Variants in ADGRL2 observed in about 807,000 individuals in gnomAD.
The protein encoded by ADGRL2 is calcium-independent alpha-latrotoxin receptor 2.
A neutral mutation model predicts 157.4 loss-of-function variants in ADGRL2; 44 were observed. The observed-to-expected ratio is 0.28, with a 90% CI of 0.22 to 0.36. The LOEUF (loss-of-function observed/expected upper bound fraction) is 0.36. Ranked by LOEUF, ADGRL2 falls within the 10% of genes least tolerant of loss-of-function variation. The pLI is 1.00. For missense variants in ADGRL2, 1,510 were observed against 1,768.9 expected (o/e 0.85, Z 2.63); for synonymous variants, 585 against 624.7 (o/e 0.94, Z 0.95).
rs528685803 is a variant in ADGRL2, at chr1:81,740,620, G to A, written c.-142-21191G>A. Among the ~76,000 whole-genome samples the A allele has an allele frequency of 2.0e-5, 3 of 152,232 alleles. No homozygotes were observed. In the South Asian group the frequency reaches 6.2e-4, roughly 32 times the overall value. ...AAAATCCAGACATACACGGGTACAT[G>A]TCTCAAAGGTTTTGAGCTCCCATAG... On this transcript the variant is annotated intron_variant, in intron 1 of 20. Coordinates refer to the ADGRL2 transcript ENST00000359929.
intron 1 of ADGRL2, among the ~76,000 whole-genome samples, chr1:81,734,605 A>G (rs1006422804): frequency 6.8e-6 from 1 of 147,548 alleles, no homozygotes; most frequent in African/African-American, 2.5e-5. Context: ...TAGCCACAGG[A>G]AACGAATACA....
intron 3 of ADGRL2, among the ~76,000 whole-genome samples, chr1:81,583,554 G>A (rs571889657): frequency 2.0e-4 from 30 of 152,060 alleles, no homozygotes; most frequent in Non-Finnish European, 4.0e-4. Context: ...TAAGATTTAC[G>A]TTTACTTATT....
chr1:81,622,917 G>C (rs1341536873), intron 3 of ADGRL2, among the ~76,000 whole-genome samples: 2 of 152,168 alleles, frequency 1.3e-5, no homozygotes, highest in African/African-American at 4.8e-5. Context: ...TCTGGAAAGG[G>C]ACAGAATTTG....
chr1:81,384,794 C>T (rs1264898965), intron 1 of ADGRL2, among the ~76,000 whole-genome samples: 1 of 152,044 alleles, frequency 6.6e-6, no homozygotes, highest in East Asian at 1.9e-4. Context: ...TGAGAAAGGC[C>T]ATTTCATTAT....
intron 1 of ADGRL2, among the ~76,000 whole-genome samples, chr1:81,836,262 A>G (rs1445978515): frequency 6.6e-6 from 1 of 152,086 alleles, no homozygotes; most frequent in African/African-American, 2.4e-5. Context: ...AGAATAAAAT[A>G]ATAGGAAACG....
intron 1 of ADGRL2, among the ~76,000 whole-genome samples, chr1:81,712,696 A>G (rs2083970148): frequency 6.6e-6 from 1 of 151,922 alleles, no homozygotes; most frequent in African/African-American, 2.4e-5. Context: ...TAGGTGTAAG[A>G]TAAGCCTCAG....
chr1:81,480,419 G>A (rs2078360675), intron 2 of ADGRL2, among the ~76,000 whole-genome samples: 1 of 152,140 alleles, frequency 6.6e-6, no homozygotes, highest in African/African-American at 2.4e-5. Flanking sequence ...AATATTCTTA[G>A]TTGGTCAGTT....
rs1401577408 is a variant in ADGRL2 at position 81,325,784 on chromosome 1, G to A, written c.-302+19275G>A. Among the ~76,000 whole-genome samples the A allele has an allele frequency of 3.3e-5, 5 of 152,212 alleles. No individual in the cohort carries two copies. In the South Asian group the frequency reaches 6.2e-4, roughly 19 times the overall value. ...TCCCAGACAATCAATACCCACAGAC[G>A]TATAGTCATTTGAGATGATATTCAA... is the stretch of plus-strand genomic sequence containing the variant. On this transcript the variant is annotated intron_variant, in intron 1 of 24. Transcript: ENST00000370721.
intron 2 of ADGRL2, among the ~76,000 whole-genome samples, chr1:81,870,697 T>TA (rs2093668223): frequency 1.3e-5 from 2 of 152,242 alleles, no homozygotes; most frequent in Middle Eastern, 3.4e-3. Context: ...TTGTTGGCAC[T>TA]AATAGTGTTG....
chr1:81,376,565 T>C (rs1282162356), intron 1 of ADGRL2, among the ~76,000 whole-genome samples: 3 of 150,840 alleles, frequency 2.0e-5, no homozygotes, highest in Non-Finnish European at 3.0e-5. Flanking sequence ...CCTTCCTCCC[T>C]TCCTTCCCTC....
chr1:81,974,891 AAAT>A (rs1187259988), intron 17 of ADGRL2, among the ~76,000 whole-genome samples: 5 of 152,094 alleles, frequency 3.3e-5, no homozygotes, highest in African/African-American at 1.2e-4. Context: ...GGGTTATTAT[AAAT>A]AATAATTTAT....
At chr1:81,766,262 C>A (rs1001268755) in intron 2 of ADGRL2, among the ~76,000 whole-genome samples, 1 of 152,028 alleles carries the variant, frequency 6.6e-6, no homozygotes, top group African/African-American at 2.4e-5. Flanking sequence ...CTGTTAGTAG[C>A]CATTGCCTTT....
chr1:81,677,120 G>C (rs898721168), intron 3 of ADGRL2, among the ~76,000 whole-genome samples: 1 of 151,606 alleles, frequency 6.6e-6, no homozygotes, highest in East Asian at 1.9e-4. Context: ...CAAGTAGCTG[G>C]GATTACCAGC....
chr1:81,942,094 G>T (rs779003676), intron 5 of ADGRL2, 49 bp downstream of exon 5: 1 of 704,734 alleles, frequency 1.4e-6, no homozygotes, highest in Non-Finnish European at 2.6e-6. Flanking sequence ...GTGCCTTATG[G>T]ATGTTAACCT....
rs929725621 is a variant in ADGRL2 at position 81,993,660 on chromosome 1, G to A, written c.*2515G>A. Among the ~76,000 whole-genome samples the A allele has an allele frequency of 6.6e-6, 1 of 151,944 alleles. No individual in the cohort carries two copies. Among genetic ancestry groups the A allele is most frequent in the Non-Finnish European group, 1.5e-5 (1 of 67,980 alleles). On this transcript the variant is annotated 3_prime_UTR_variant, in exon 24 of 24. Transcript: ENST00000686636. ...AAATATTGCCTTAAATTCCATCTAG[G>A]ATTCCCTTAGTACAAGGTAGTTTCT... is the stretch of plus-strand genomic sequence containing the variant.
At chr1:81,663,937 G>C (rs1287203320) in intron 3 of ADGRL2, among the ~76,000 whole-genome samples, 1 of 152,006 alleles carries the variant, frequency 6.6e-6, no homozygotes, top group African/African-American at 2.4e-5. Flanking sequence ...ATTTTTGAGG[G>C]GGAAGGATAT....
chr1:81,324,397 T>A (rs1314188805), intron 1 of ADGRL2, among the ~76,000 whole-genome samples: 1 of 151,034 alleles, frequency 6.6e-6, no homozygotes, highest in East Asian at 2.0e-4. Flanking sequence ...TAGTCCCAGC[T>A]ATTCGGAAAG....
At chr1:81,552,580 C>T (rs1469760838) in intron 2 of ADGRL2, among the ~76,000 whole-genome samples, 2 of 130,700 alleles carry the variant, frequency 1.5e-5, no homozygotes, top group Admixed American at 8.8e-5. Flanking sequence ...ATGCTAACCA[C>T]GTAGAGTATA....
intron 2 of ADGRL2, among the ~76,000 whole-genome samples, chr1:81,777,632 A>G (rs868170302): frequency 7.2e-5 from 11 of 152,200 alleles, no homozygotes; most frequent in Middle Eastern, 3.4e-3. Context: ...GTGTCATGGC[A>G]CATGCCTGTA....
Sources: allele counts gnomAD v4.1 joint callset (sites outside exome capture counted in the v4.1 genomes callset), GRCh38; gene constraint gnomAD v4.1.1; transcripts MANE v1.5; gene names NCBI Gene and HGNC (gene_info 2026-07-23, HGNC 2026-07-21).